Variants in G6PC1 observed in about 807,000 individuals in gnomAD.
The protein encoded by G6PC1 is glucose-6-phosphatase catalytic subunit 1, also known as G-6-Pase.
In G6PC1, 23 loss-of-function variants were observed where a neutral mutation model predicts 30.4. The ratio of observed to expected loss-of-function variants is 0.76; its 90% CI spans 0.55 to 1.07. The LOEUF is 1.07. G6PC1 is among the 50% of genes least tolerant of loss of function. The pLI is 0.00. For synonymous variants in G6PC1, 163 were observed against 175.6 expected (o/e 0.93, Z 0.57); for missense variants, 391 against 433.9 (o/e 0.90, Z 0.88).
chr17:42,910,064 C>T (rs559696885), intron 4 of G6PC1, among the ~76,000 whole-genome samples: 14 of 152,060 alleles, frequency 9.2e-5, no homozygotes, highest in South Asian at 8.3e-4. Flanking sequence ...GGGGTTTCAC[C>T]GTGGTCTTGA....
intron 3 of G6PC1, 27 bp downstream of exon 3, chr17:42,907,655 T>G: frequency 6.6e-7 from 1 of 1,504,624 alleles, no homozygotes; most frequent in South Asian, 1.1e-5. Context: ...GGGGTGTAGG[T>G]GGTGGAGGGC....
At position 42,901,016 on chromosome 17, in the gene G6PC1, T is replaced by C; in HGVS notation, c.140T>C (p.Phe47Ser). Residue 47 changes from phenylalanine to serine, a missense_variant, in exon 1 of 5, where the codon TTC becomes TCC. By Grantham distance (155) the Phe-to-Ser change is radical (BLOSUM62 -2). Coordinates refer to ENST00000253801, the MANE Select transcript of G6PC1 (RefSeq NM_000151.4). ...CTCAGGAATGCCTTCTACGTCCTCTTCCCCATCTGGTTCCATCTTCAGGAA... is the reference window on the plus strand; with the variant it reads ...CTCAGGAATGCCTTCTACGTCCTCTCCCCCATCTGGTTCCATCTTCAGGAA... ...ADLRNAFYVL[F>S]PIWFHLQEAV... 1 of 1,614,188 alleles carries C rather than the reference T, an allele frequency of 6.2e-7. No individual in the cohort carries two copies. Among genetic ancestry groups the C allele is most frequent in the Non-Finnish European group, 8.5e-7 (1 of 1,180,036 alleles).
intron 3 of G6PC1, among the ~76,000 whole-genome samples, chr17:42,908,949 C>T (rs1168149851): frequency 1.3e-5 from 2 of 151,850 alleles, no homozygotes; most frequent in African/African-American, 4.8e-5. Flanking sequence ...CTCAAGTGAT[C>T]CACCCACCTC....
rs2056094089 is a variant in G6PC1, at chr17:42,911,273, C to T, written c.921C>T (p.His307=). ...SSIVASLVLL[H]VFDSLKPPSQ... ...TTGTAGCCTCCCTCGTCCTCCTGCACGTCTTTGACTCCTTGAAACCCCCAT... is the reference window on the plus strand; with the variant it reads ...TTGTAGCCTCCCTCGTCCTCCTGCATGTCTTTGACTCCTTGAAACCCCCAT... Residue 307 remains histidine (H), a synonymous_variant, in exon 5 of 5, where the codon CAC becomes CAT. Coordinates refer to ENST00000253801, the MANE Select transcript of G6PC1 (RefSeq NM_000151.4). The T allele has an allele frequency of 6.2e-6, 10 of 1,614,180 alleles. No homozygotes were observed. Among genetic ancestry groups the T allele is most frequent in the African/African-American group, 2.7e-5 (2 of 75,024 alleles).
chr17:42,910,881 C>G, intron 4 of G6PC1, 34 bp from the exon 5 acceptor site: 1 of 1,610,968 alleles, frequency 6.2e-7, no homozygotes, highest in Non-Finnish European at 8.5e-7. Context: ...CCAAATCCTT[C>G]CTATCTCTCA....
intron 1 of G6PC1, among the ~76,000 whole-genome samples, chr17:42,902,210 A>G (rs1273160509): frequency 6.6e-6 from 1 of 152,088 alleles, no homozygotes; most frequent in Non-Finnish European, 1.5e-5. Flanking sequence ...AATTTCTATC[A>G]CGTAAACATT....
intron 2 of G6PC1, among the ~76,000 whole-genome samples, chr17:42,904,984 C>T (rs920228055): frequency 2.6e-5 from 4 of 151,634 alleles, no homozygotes; most frequent in South Asian, 2.1e-4. Context: ...TGATGGCACA[C>T]GCCTGTAGTC....
At chr17:42,907,690 A>T (rs143928802) in intron 3 of G6PC1, 62 bp downstream of exon 3, 27 of 1,135,140 alleles carry the variant, frequency 2.4e-5, no homozygotes, top group Middle Eastern at 4.1e-4. Flanking sequence ...TCTGTAGCTG[A>T]CACACCACGT....
chr17:42,911,544 T>A lies in G6PC1; in HGVS notation c.*118T>A. On this transcript the variant is annotated 3_prime_UTR_variant, in exon 5 of 5. Coordinates refer to ENST00000253801, the MANE Select transcript of G6PC1 (RefSeq NM_000151.4). Reference sequence around the variant, plus strand: ...AAGTGACATGCCATCCATTCTGCCGTCGTGGAATTAAATCACGGATGGCAG... The same window carrying A: ...AAGTGACATGCCATCCATTCTGCCGACGTGGAATTAAATCACGGATGGCAG... The A allele has an allele frequency of 1.3e-6, 2 of 1,494,758 alleles. No individual in the cohort carries two copies. Among genetic ancestry groups the A allele is most frequent in the Non-Finnish European group, 9.2e-7 (1 of 1,087,444 alleles). 92.6% of individuals were successfully genotyped at this position (1,494,758 alleles called of 1,614,324 possible).
intron 2 of G6PC1, among the ~76,000 whole-genome samples, chr17:42,905,298 G>T (rs1174976912): frequency 6.6e-6 from 1 of 151,126 alleles, no homozygotes; most frequent in Non-Finnish European, 1.5e-5. Flanking sequence ...CCTGGTGCAT[G>T]CCTGTAATCT....
chr17:42,911,182 C>T lies in G6PC1; in HGVS notation c.830C>T (p.Ser277Phe), dbSNP rs750048146. 2 of 1,614,158 alleles carry T rather than the reference C, an allele frequency of 1.2e-6. No individual in the cohort carries two copies. Among genetic ancestry groups the T allele is most frequent in the Middle Eastern group, 1.6e-4 (1 of 6,062 alleles). ...TTTGGCCTGGGGCTGGCTCTCAACTCCAGCATGTACAGGGAGAGCTGCAAG... is the reference window on the plus strand; with the variant it reads ...TTTGGCCTGGGGCTGGCTCTCAACTTCAGCATGTACAGGGAGAGCTGCAAG... ...TLFGLGLALNSSMYRESCKGK... is the reference protein window; with the variant it reads ...TLFGLGLALNFSMYRESCKGK... The change falls in exon 5 of 5, where the codon TCC becomes TTC. Residue 277 changes from serine to phenylalanine, a missense_variant. Transcript: ENST00000253801.
chr17:42,907,060 C>A (rs1330455320), intron 2 of G6PC1, among the ~76,000 whole-genome samples: 1 of 152,034 alleles, frequency 6.6e-6, no homozygotes, highest in Non-Finnish European at 1.5e-5. Flanking sequence ...GATTGCAATG[C>A]AAAAGCCCTG....
chr17:42,910,785 C>T (rs2056089914), intron 4 of G6PC1, 130 bp from the exon 5 acceptor site: 6 of 880,530 alleles, frequency 6.8e-6, no homozygotes, highest in South Asian at 1.4e-5. Flanking sequence ...AGGCGACCCT[C>T]CCATCTGCCA....
Position 42,904,005 on chromosome 17 carries a change from T to C in G6PC1, c.305T>C (p.Ile102Thr). ...TACAGCAACACTTCCGTGCCCCTGATAAAGCAGTTCCCTGTAACCTGTGAG... is the reference window on the plus strand; with the variant it reads ...TACAGCAACACTTCCGTGCCCCTGACAAAGCAGTTCCCTGTAACCTGTGAG... ...DYYSNTSVPL[I>T]KQFPVTCETG... Residue 102 changes from isoleucine (I) to threonine (T), a missense_variant, in exon 2 of 5, where the codon ATA becomes ACA. Coordinates refer to ENST00000253801, the MANE Select transcript of G6PC1 (RefSeq NM_000151.4). The C allele has an allele frequency of 1.2e-6, 2 of 1,614,086 alleles. No homozygotes were observed. The highest frequency in any genetic ancestry group is 1.7e-6 in the Non-Finnish European group (2 of 1,179,942).
intron 2 of G6PC1, among the ~76,000 whole-genome samples, chr17:42,905,392 G>A (rs1266652871): frequency 1.4e-5 from 2 of 144,376 alleles, no homozygotes; most frequent in East Asian, 4.0e-4. Flanking sequence ...CTCCAGCCTG[G>A]GCGACAAAAT....
chr17:42,907,494 T>G, intron 2 of G6PC1, 29 bp from the exon 3 acceptor site: 1 of 1,526,554 alleles, frequency 6.6e-7, no homozygotes, highest in South Asian at 1.1e-5. Flanking sequence ...CCTTTTCACC[T>G]TTACTCCATT....
rs549810511 is a variant in G6PC1 at position 42,908,408 on chromosome 17, ATTT to A, written c.446+794_446+796del. 1.0e-3 allele frequency among the ~76,000 whole-genome samples: 133 copies of A among 133,580 alleles called. 1 individual carries two copies. Among genetic ancestry groups the A allele is most frequent in the African/African-American group, 3.5e-3 (128 of 36,970 alleles). The allele number at this position is 133,580 out of a possible 152,430, so 87.6% of individuals were successfully genotyped here. On this transcript the variant is annotated intron_variant, in intron 3 of 4. Transcript: ENST00000253801. ...CAAGGGTTAACCACTTGCCACAGGC[ATTT>A]TTTTTTTTTTTTTGAGACGGAATCT... is the stretch of plus-strand genomic sequence containing the variant.
chr17:42,911,091 C>A lies in G6PC1; in HGVS notation c.739C>A (p.Gln247Lys), dbSNP rs2056092434. ...GGAGAAAGCCCAGAGGTGGTGCGAGCAGCCAGAATGGGTCCACATTGACAC... is the reference window on the plus strand; with the variant it reads ...GGAGAAAGCCCAGAGGTGGTGCGAGAAGCCAGAATGGGTCCACATTGACAC... ...TLEKAQRWCE[Q>K]PEWVHIDTTP... The change falls in exon 5 of 5, where the codon CAG (glutamine) becomes AAG (lysine). Residue 247 changes from glutamine (Q) to lysine (K), a missense_variant. Transcript: ENST00000253801. 4 of 1,614,148 alleles carry A rather than the reference C, an allele frequency of 2.5e-6. No homozygotes were observed. The highest frequency in any genetic ancestry group is 3.4e-6 in the Non-Finnish European group (4 of 1,180,004).
chr17:42,901,812 C>T (rs1421495363), intron 1 of G6PC1, among the ~76,000 whole-genome samples: 2 of 152,154 alleles, frequency 1.3e-5, no homozygotes, highest in Admixed American at 6.5e-5. Flanking sequence ...GGGAACTGGG[C>T]TCCAGCCCTC....
Sources: gnomAD v4.1 joint callset for allele counts (sites outside exome capture counted in the v4.1 genomes callset) on GRCh38, gnomAD v4.1.1 for gene constraint, MANE v1.5 for transcripts, NCBI Gene and HGNC (gene_info 2026-07-23, HGNC 2026-07-21) for gene names.